Variants in USP50 observed in about 807,000 individuals in gnomAD.
USP50 encodes the protein ubiquitin specific peptidase 50.
A neutral mutation model predicts 39.2 loss-of-function variants in USP50; 37 were observed. The ratio of observed to expected loss-of-function variants is 0.94; its 90% CI spans 0.73 to 1.24. The LOEUF is 1.24. USP50 is among the 50% of genes most tolerant of loss of function. The pLI is 0.00. For missense variants in USP50, 374 were observed against 398.2 expected, an observed-to-expected ratio of 0.94 and a Z score of 0.52; for synonymous variants, 139 against 144.5, an observed-to-expected ratio of 0.96 and a Z score of 0.27.
At chr15:50,537,398 C>G (rs2052987995) in intron 5 of USP50, among the ~76,000 whole-genome samples, 1 of 152,010 alleles carries the variant, frequency 6.6e-6, no homozygotes, top group Non-Finnish European at 1.5e-5. Context: ...TTGGCAATGA[C>G]TTTTTAGCTA....
chr15:50,544,443 A>T (rs1260969548), intron 2 of USP50, 144 bp downstream of exon 2: 2 of 616,974 alleles, frequency 3.2e-6, no homozygotes, highest in Non-Finnish European at 5.2e-6. Flanking sequence ...ACTTTTACTT[A>T]CTCTAGCGTG....
At chr15:50,516,136 C>G (rs911680227) in intron 6 of USP50, among the ~76,000 whole-genome samples, 1 of 151,904 alleles carries the variant, frequency 6.6e-6, no homozygotes. Context: ...AACCACAAAG[C>G]CAAAACCTAA....
intron 6 of USP50, among the ~76,000 whole-genome samples, chr15:50,528,359 C>T (rs1279078273): frequency 6.6e-6 from 1 of 151,538 alleles, no homozygotes; most frequent in African/African-American, 2.4e-5. Flanking sequence ...TCACTATAGT[C>T]TCTAACTCCT....
intron 5 of USP50, among the ~76,000 whole-genome samples, chr15:50,532,631 C>G (rs1026877094): frequency 6.6e-6 from 1 of 152,142 alleles, no homozygotes; most frequent in East Asian, 1.9e-4. Context: ...GCAAAACACA[C>G]AGTTTGAAGA....
chr15:50,519,177 C>G (rs1458796599), intron 6 of USP50, among the ~76,000 whole-genome samples: 1 of 152,100 alleles, frequency 6.6e-6, no homozygotes, highest in Non-Finnish European at 1.5e-5. Flanking sequence ...GTCCCAGCTA[C>G]TCGGGAGGTT....
chr15:50,532,238 G>C, intron 5 of USP50: 1 of 456,254 alleles, frequency 2.2e-6, no homozygotes, highest in Non-Finnish European at 4.4e-6. Context: ...CTGGCAAGAA[G>C]AAGGGAAAGA....
At chr15:50,535,451 A>C (rs2052972453) in intron 5 of USP50, among the ~76,000 whole-genome samples, 1 of 152,222 alleles carries the variant, frequency 6.6e-6, no homozygotes, top group South Asian at 2.1e-4. Context: ...GTGCTTGTTA[A>C]AACACACTTT....
At position 50,543,608 on chromosome 15, in the gene USP50, G is replaced by C. The variant is rs763173183; in HGVS notation, c.434C>G (p.Ala145Gly). 1 of 1,613,012 alleles carries C rather than the reference G, an allele frequency of 6.2e-7. No homozygotes were observed. Among genetic ancestry groups the C allele is most frequent in the Non-Finnish European group, 8.5e-7 (1 of 1,179,466 alleles). The change falls in exon 3 of 7, where the codon GCT (alanine) becomes GGT (glycine). Residue 145 changes from alanine (A) to glycine (G), a missense_variant. Ala to Gly is a moderately conservative substitution (Grantham distance 60). Coordinates refer to ENST00000532404, the MANE Select transcript of USP50 (RefSeq NM_203494.5). ...LICVLNELHE[A>G]LKKYHYSRRR... is the part of the protein sequence containing the mutation. ...ATTAACTCTACTTACCTTTTTTAGA[G>C]CTTCATGAAGTTCATTTAGGACACA...
chr15:50,544,052 G>T (rs939420626), intron 2 of USP50: 5 of 445,356 alleles, frequency 1.1e-5, no homozygotes, highest in Non-Finnish European at 1.7e-5. Context: ...AGGATGCCAG[G>T]CTCAGTGGCT....
downstream of USP50, among the ~76,000 whole-genome samples, chr15:50,496,480 T>TAAA (rs35899607): frequency 6.0e-4 from 70 of 116,478 alleles, no homozygotes; most frequent in African/African-American, 1.5e-3. Flanking sequence ...GACTCCGTCT[T>TAAA]AAAAAAAAAA....
chr15:50,541,115 G>T lies in USP50; in HGVS notation c.594C>A (p.Thr198=), dbSNP rs368974886. 69 of 1,613,762 alleles carry T rather than the reference G, an allele frequency of 4.3e-5. No individual in the cohort carries two copies. In the African/African-American group the frequency reaches 8.9e-4, roughly 21 times the overall value. ...SIVCLKCEKC[T]YKNEVFTVFS... ...AGACAGTGAAGACTTCGTTCTTGTAGGTGCATTTCTCACACTTTAAACATA... is the reference window on the plus strand; with the variant it reads ...AGACAGTGAAGACTTCGTTCTTGTATGTGCATTTCTCACACTTTAAACATA... Residue 198 remains threonine (T), a synonymous_variant, in exon 4 of 7, where the codon ACC becomes ACA. Coordinates refer to ENST00000532404, the MANE Select transcript of USP50 (RefSeq NM_203494.5).
intron 5 of USP50, among the ~76,000 whole-genome samples, chr15:50,534,482 C>G (rs887660056): frequency 1.3e-5 from 2 of 152,056 alleles, no homozygotes; most frequent in African/African-American, 4.8e-5. Context: ...ATAGCAGTAA[C>G]AAATACAACA....
downstream of USP50, chr15:50,499,792 G>GTGT (rs2052546515): frequency 6.6e-6 from 1 of 151,966 alleles, no homozygotes; most frequent in South Asian, 2.1e-4. Flanking sequence ...AACCCTGTGG[G>GTGT]TGTTCTGTCT....
intron 6 of USP50, chr15:50,512,392 C>T (rs2052750183): frequency 6.6e-6 from 1 of 151,652 alleles, no homozygotes; most frequent in Non-Finnish European, 1.5e-5. Context: ...TTGCTATGGA[C>T]TGGGGGAGAA....
rs116513561 is a variant in USP50, at chr15:50,523,023, C to T, written c.936+6774G>A. Among the ~76,000 whole-genome samples, 1,157 of 151,922 alleles carry T rather than the reference C, an allele frequency of 7.6e-3. 15 individuals carry two copies. Among genetic ancestry groups the T allele is most frequent in the African/African-American group, 0.026 (1,076 of 41,404 alleles). ...AGGCAAGAGAAAGAAATAAAAGGCA[C>T]GCCAATAGGAAAAGAAAAAGTGAAA... On this transcript the variant is annotated intron_variant, in intron 6 of 6. Coordinates refer to ENST00000532404, the MANE Select transcript of USP50 (RefSeq NM_203494.5).
intron 6 of USP50, among the ~76,000 whole-genome samples, chr15:50,514,595 G>A (rs1257615434): frequency 2.6e-5 from 4 of 152,050 alleles, no homozygotes; most frequent in African/African-American, 4.8e-5. Flanking sequence ...GCAGCGGCGC[G>A]ATCTCGGCTC....
intron 6 of USP50, chr15:50,509,810 C>G (rs995284640): frequency 7.2e-5 from 11 of 152,092 alleles, no homozygotes; most frequent in African/African-American, 2.7e-4. Context: ...AGACAAATAT[C>G]TGGAGAATAA....
intron 6 of USP50, among the ~76,000 whole-genome samples, chr15:50,526,817 T>G (rs1206279216): frequency 1.3e-5 from 2 of 152,232 alleles, no homozygotes; most frequent in Non-Finnish European, 2.9e-5. Flanking sequence ...TTGGGGCAAA[T>G]TATTTAACCT....
chr15:50,514,875 C>T (rs1186575418), intron 6 of USP50, among the ~76,000 whole-genome samples: 3 of 151,074 alleles, frequency 2.0e-5, no homozygotes, highest in African/African-American at 7.3e-5. Flanking sequence ...ACTTGCCTGT[C>T]GTCCCAACCA....
Sources: gnomAD v4.1 joint callset for allele counts (sites outside exome capture counted in the v4.1 genomes callset) on GRCh38, gnomAD v4.1.1 for gene constraint, MANE v1.5 for transcripts, NCBI Gene and HGNC (gene_info 2026-07-23, HGNC 2026-07-21) for gene names.